AGBL4: variants seen among roughly 807,000 people sequenced by gnomAD.
The protein encoded by AGBL4 is AGBL carboxypeptidase 4.
In AGBL4, 58 loss-of-function variants were observed where a neutral mutation model predicts 66.4. That is an observed-to-expected ratio of 0.87 (90% CI 0.71 to 1.09). AGBL4 has a LOEUF of 1.09. AGBL4 is among the 50% of genes least tolerant of loss of function. The probability of loss-of-function intolerance (pLI) is 0.00; values close to 1 mark genes in which losing one functional copy is unlikely to be tolerated. For synonymous variants in AGBL4, 234 were observed against 222.9 expected (o/e 1.05, Z -0.44); for missense variants, 579 against 631.0 (o/e 0.92, Z 0.88).
intron 1 of AGBL4, among the ~76,000 whole-genome samples, chr1:49,854,662 C>T (rs1264849891): frequency 6.6e-6 from 1 of 152,166 alleles, no homozygotes; most frequent in Non-Finnish European, 1.5e-5. Flanking sequence ...CATCCTCCCA[C>T]ATCCAACCAG....
At chr1:49,749,148 G>A (rs539513885) in intron 2 of AGBL4, among the ~76,000 whole-genome samples, 9 of 151,806 alleles carry the variant, frequency 5.9e-5, no homozygotes, top group Admixed American at 1.3e-4. Context: ...TAGGTCTTAC[G>A]TTTAAGTCTT....
intron 2 of AGBL4, among the ~76,000 whole-genome samples, chr1:49,794,075 A>G (rs1166809673): frequency 6.6e-6 from 1 of 151,986 alleles, no homozygotes; most frequent in African/African-American, 2.4e-5. Flanking sequence ...GTAAAAGTGG[A>G]AAACAGCTTG....
intron 3 of AGBL4, among the ~76,000 whole-genome samples, chr1:49,482,305 T>C (rs988109087): frequency 1.3e-5 from 2 of 152,006 alleles, no homozygotes; most frequent in African/African-American, 4.8e-5. Flanking sequence ...TCTTCATTAC[T>C]GCCTCAGAGC....
At chr1:48,810,896 C>T (rs1646033362) in intron 6 of AGBL4, among the ~76,000 whole-genome samples, 1 of 152,010 alleles carries the variant, frequency 6.6e-6, no homozygotes, top group African/African-American at 2.4e-5. Flanking sequence ...TTGGACGATG[C>T]TAGTTGGTAA....
At chr1:49,278,187 T>A (rs1644207638) in intron 3 of AGBL4, among the ~76,000 whole-genome samples, 1 of 152,112 alleles carries the variant, frequency 6.6e-6, no homozygotes, top group African/African-American at 2.4e-5. Context: ...AACAAACCAT[T>A]CTGTGTCCCT....
chr1:49,754,097 C>T (rs981925934), intron 2 of AGBL4, among the ~76,000 whole-genome samples: 10 of 152,024 alleles, frequency 6.6e-5, no homozygotes, highest in African/African-American at 1.2e-4. Flanking sequence ...ACCCTCTGTA[C>T]GGTTTTGTTC....
intron 6 of AGBL4, among the ~76,000 whole-genome samples, chr1:48,842,670 T>G (rs1171734376): frequency 1.3e-5 from 2 of 152,198 alleles, no homozygotes; most frequent in African/African-American, 2.4e-5. Flanking sequence ...CTTCTGACTA[T>G]TTAGTCAAAA....
intron 6 of AGBL4, among the ~76,000 whole-genome samples, chr1:48,823,561 C>G (rs1646361435): frequency 6.6e-6 from 1 of 152,218 alleles, no homozygotes; most frequent in African/African-American, 2.4e-5. Flanking sequence ...ATTTTCCCCT[C>G]AAAACCCAGC....
Position 49,973,623 on chromosome 1 carries a change from A to G in AGBL4, c.34+50140T>C, listed in dbSNP as rs1658318410. On this transcript the variant is annotated intron_variant, in intron 1 of 13. Transcript: ENST00000371839. ...TTGTTATATATGGATTATCTATTATACATATATATTATATATATCATAAAT... is the reference window on the plus strand; with the variant it reads ...TTGTTATATATGGATTATCTATTATGCATATATATTATATATATCATAAAT... 2.0e-5 allele frequency among the ~76,000 whole-genome samples: 3 copies of G among 148,402 alleles called. No individual in the cohort carries two copies. The South Asian group carries it at 6.3e-4, about 31-fold the overall frequency.
intron 6 of AGBL4, among the ~76,000 whole-genome samples, chr1:48,829,311 C>G (rs984302156): frequency 2.0e-5 from 3 of 152,230 alleles, no homozygotes; most frequent in Admixed American, 2.0e-4. Context: ...CCTAGTCAGT[C>G]TGGCTCCAGA....
chr1:49,948,231 T>C (rs1325460357), intron 1 of AGBL4, among the ~76,000 whole-genome samples: 1 of 93,352 alleles, frequency 1.1e-5, no homozygotes, highest in African/African-American at 5.0e-5. Flanking sequence ...TAAATATATA[T>C]AAATATATAA....
At chr1:49,629,083 A>C (rs958865568) in intron 3 of AGBL4, among the ~76,000 whole-genome samples, 3 of 152,220 alleles carry the variant, frequency 2.0e-5, no homozygotes, top group Admixed American at 6.5e-5. Context: ...GGTCATCAAA[A>C]TACAACCTGC....
chr1:49,275,079 T>C (rs1644141412), intron 3 of AGBL4, among the ~76,000 whole-genome samples: 2 of 152,200 alleles, frequency 1.3e-5, no homozygotes, highest in Non-Finnish European at 2.9e-5. Flanking sequence ...TAAGAATCTG[T>C]TTTCTTTTGT....
chr1:49,005,832 C>T (rs919355926), intron 5 of AGBL4, among the ~76,000 whole-genome samples: 5 of 152,094 alleles, frequency 3.3e-5, no homozygotes, highest in African/African-American at 1.2e-4. Context: ...GAAACCCCGT[C>T]TCTACTAAAA....
intron 5 of AGBL4, among the ~76,000 whole-genome samples, chr1:48,924,366 A>AGGTCTCT (rs1455660446): frequency 4.6e-5 from 7 of 152,152 alleles, no homozygotes; most frequent in African/African-American, 1.7e-4. Flanking sequence ...TGAGACCTGC[A>AGGTCTCT]AATGTTTTAT....
intron 4 of AGBL4, among the ~76,000 whole-genome samples, chr1:49,126,294 C>G (rs182195502): frequency 6.6e-6 from 1 of 152,116 alleles, no homozygotes; most frequent in Admixed American, 6.6e-5. Context: ...CAGGCTGCTG[C>G]TTAGAAAATA....
chr1:49,231,102 T>A (rs1273610164), intron 4 of AGBL4, among the ~76,000 whole-genome samples: 1 of 152,188 alleles, frequency 6.6e-6, no homozygotes, highest in Non-Finnish European at 1.5e-5. Flanking sequence ...TTCTTATAGC[T>A]ACAATATTTA....
intron 11 of AGBL4, among the ~76,000 whole-genome samples, chr1:48,581,797 C>T (rs1049423180): frequency 2.0e-5 from 3 of 152,208 alleles, no homozygotes; most frequent in African/African-American, 7.2e-5. Flanking sequence ...AAATAATCTT[C>T]CTCACTTTAC....
chr1:48,907,825 C>T (rs1652757400), intron 5 of AGBL4, among the ~76,000 whole-genome samples: 1 of 152,054 alleles, frequency 6.6e-6, no homozygotes. Context: ...GCTGCATACT[C>T]CATCCTGAGG....
Sources: gnomAD v4.1 joint callset for allele counts (sites outside exome capture counted in the v4.1 genomes callset) on GRCh38, gnomAD v4.1.1 for gene constraint, MANE v1.5 for transcripts, NCBI Gene and HGNC (gene_info 2026-07-23, HGNC 2026-07-21) for gene names.